Variants in SLF2 observed in about 807,000 individuals in gnomAD.
The protein encoded by SLF2 is SMC5-SMC6 complex localization factor protein 2.
In SLF2, 68 loss-of-function variants were observed where a neutral mutation model predicts 124.3. The ratio of observed to expected loss-of-function variants is 0.55; its 90% CI spans 0.45 to 0.67. The LOEUF (loss-of-function observed/expected upper bound fraction) is 0.67. SLF2 is among the 30% of genes least tolerant of loss of function. SLF2 has a pLI of 0.00. For missense variants in SLF2, 1,246 were observed against 1,373.7 expected (o/e 0.91, Z 1.47); for synonymous variants, 480 against 478.8 (o/e 1.00, Z -0.03).
At position 100,913,107 on chromosome 10, in the gene SLF2, C is replaced by G. The variant is rs774482934; in HGVS notation, c.-4C>G. 16 of 1,611,650 alleles carry G rather than the reference C, an allele frequency of 9.9e-6. No homozygotes were observed. The African/African-American group carries it at 2.1e-4, about 22-fold the overall frequency. ...CTCATGCCGCCGTCGCCAGCGGCGC[C>G]GACATGACAAGGCGCTGCATGCCCG... On this transcript the variant is annotated 5_prime_UTR_variant, in exon 1 of 20. Coordinates refer to ENST00000238961, the MANE Select transcript of SLF2 (RefSeq NM_018121.4).
At chr10:100,937,505 C>CA in intron 10 of SLF2, 28 bp downstream of exon 10, 1 of 1,324,300 alleles carries the variant, frequency 7.6e-7, no homozygotes, top group Non-Finnish European at 1.1e-6. Context: ...TTAAGATTTA[C>CA]CGTGTGTATT....
chr10:100,914,728 A>AT (rs765501714), intron 1 of SLF2, among the ~76,000 whole-genome samples: 5 of 152,186 alleles, frequency 3.3e-5, no homozygotes, highest in Non-Finnish European at 7.4e-5. Context: ...CGTCACTCAT[A>AT]TTCATCTCAT....
chr10:100,931,565 A>G (rs143532281), intron 9 of SLF2, among the ~76,000 whole-genome samples: 174 of 152,300 alleles, frequency 1.1e-3, no homozygotes, highest in African/African-American at 3.7e-3. Context: ...TTAAGATATG[A>G]TAATTCCAGA....
At chr10:100,937,327 A>G (rs1589955633) in intron 9 of SLF2, 75 bp from the exon 10 acceptor site, 1 of 1,196,382 alleles carries the variant, frequency 8.4e-7, no homozygotes, top group Non-Finnish European at 1.2e-6. Flanking sequence ...AAACAACTTT[A>G]TATGTGCCTA....
intron 13 of SLF2, among the ~76,000 whole-genome samples, chr10:100,946,493 ATTTCTGTGTATT>A (rs1207297195): frequency 6.6e-6 from 1 of 151,814 alleles, no homozygotes; most frequent in African/African-American, 2.4e-5. Context: ...CGCCCAGCTA[ATTTCTGTGTATT>A]TAGTAGAGAC....
intron 9 of SLF2, among the ~76,000 whole-genome samples, chr10:100,932,253 T>A (rs1849751413): frequency 8.4e-6 from 1 of 118,944 alleles, no homozygotes; most frequent in Non-Finnish European, 2.1e-5. Flanking sequence ...AGACCACATC[T>A]GTTTAAAAAA....
At chr10:100,931,119 T>C (rs758313801) in intron 9 of SLF2, 41 bp downstream of exon 9, 5 of 1,432,272 alleles carry the variant, frequency 3.5e-6, no homozygotes, top group Non-Finnish European at 4.8e-6. Context: ...CCTCCTACTA[T>C]ATTTCTAAGT....
At chr10:100,925,383 A>G (rs1488816599) in intron 5 of SLF2, among the ~76,000 whole-genome samples, 4 of 152,256 alleles carry the variant, frequency 2.6e-5, no homozygotes, top group African/African-American at 7.2e-5. Context: ...GAGTCTCTAT[A>G]GAAGTTCCAT....
chr10:100,942,146 G>A (rs1360863270), intron 11 of SLF2, among the ~76,000 whole-genome samples: 1 of 152,098 alleles, frequency 6.6e-6, no homozygotes, highest in Non-Finnish European at 1.5e-5. Context: ...ATGTCCTGCA[G>A]TTTAATGCAA....
rs1849344243 is a variant in SLF2, at chr10:100,913,018, C to G, written c.-93C>G. ...GAAGGGGGTGCCGCCCACCTCTGCT[C>G]CGACAGCCTCCCGGAGTCCCAGCAG... is the stretch of plus-strand genomic sequence containing the variant. On this transcript the variant is annotated 5_prime_UTR_variant, in exon 1 of 20. Coordinates refer to ENST00000238961, the MANE Select transcript of SLF2 (RefSeq NM_018121.4). The G allele has an allele frequency of 2.8e-6, 4 of 1,435,492 alleles. No homozygotes were observed. The highest frequency in any genetic ancestry group is 2.3e-5 in the East Asian group (1 of 43,410). 88.9% of individuals were successfully genotyped at this position (1,435,492 alleles called of 1,614,324 possible). A position where few individuals can be genotyped will look rare whatever the true frequency, so the allele number is the denominator to read the frequency against.
intron 4 of SLF2, among the ~76,000 whole-genome samples, chr10:100,921,023 G>T (rs878889045): frequency 6.6e-6 from 1 of 152,136 alleles, no homozygotes; most frequent in Non-Finnish European, 1.5e-5. Flanking sequence ...TTAATCAATT[G>T]TCATGGTAAT....
intron 9 of SLF2, among the ~76,000 whole-genome samples, chr10:100,933,741 G>A (rs185484487): frequency 2.0e-5 from 3 of 152,196 alleles, no homozygotes; most frequent in Admixed American, 6.5e-5. Flanking sequence ...GTGCAGTGGC[G>A]TGATCTCTGC....
At chr10:100,945,043 T>TA (rs1016076902) in intron 12 of SLF2, among the ~76,000 whole-genome samples, 35 of 138,744 alleles carry the variant, frequency 2.5e-4, no homozygotes, top group Admixed American at 4.3e-4. Context: ...AAAAAGAAGA[T>TA]AAAAAAAAAA....
At chr10:100,936,053 A>T (rs1589954772) in intron 9 of SLF2, among the ~76,000 whole-genome samples, 1 of 151,086 alleles carries the variant, frequency 6.6e-6, no homozygotes, top group African/African-American at 2.4e-5. Context: ...TAGAGGCGGG[A>T]TCTTGCCATG....
In SLF2 at chr10:100,962,120, A is replaced by T; in HGVS notation, c.*208A>T. The T allele has an allele frequency of 2.2e-6, 1 of 447,996 alleles. No individual in the cohort carries two copies. The highest frequency in any genetic ancestry group is 5.0e-5 in the South Asian group (1 of 20,190). 27.8% of individuals were successfully genotyped at this position (447,996 alleles called of 1,614,324 possible). On this transcript the variant is annotated 3_prime_UTR_variant, in exon 20 of 20. Transcript: ENST00000238961. ...TATGATCTGCTTAATTGTTAAGGCA[A>T]CTGACCTTTCAAAAGTGCAGAGTCT... is the stretch of plus-strand genomic sequence containing the variant.
chr10:100,938,458 T>G (rs1257216508), intron 10 of SLF2, 137 bp from the exon 11 acceptor site: 1 of 757,930 alleles, frequency 1.3e-6, no homozygotes, highest in African/African-American at 1.8e-5. Context: ...TATAACTGTA[T>G]TGTTAGCATA....
intron 13 of SLF2, among the ~76,000 whole-genome samples, chr10:100,946,027 A>G (rs1403490603): frequency 6.6e-6 from 1 of 152,216 alleles, no homozygotes; most frequent in Admixed American, 6.5e-5. Context: ...TACAACCAGA[A>G]TTTGAGTTGA....
intron 4 of SLF2, 141 bp downstream of exon 4, chr10:100,918,582 G>T (rs148401488): frequency 6.1e-4 from 353 of 579,622 alleles, no homozygotes; most frequent in African/African-American, 6.0e-3. Flanking sequence ...AGTTTGGTAA[G>T]ATCATATTAA....
chr10:100,924,192 T>C lies in SLF2; in HGVS notation c.1191T>C (p.Ser397=). 6.2e-7 allele frequency: 1 copy of C among 1,613,976 alleles called. No homozygotes were observed. The highest frequency in any genetic ancestry group is 8.5e-7 in the Non-Finnish European group (1 of 1,180,016). Residue 397 remains serine, a synonymous_variant, in exon 5 of 20, where the codon AGT becomes AGC. Transcript: ENST00000238961. ...TAGAAGATATATCCAAGGAACCGAG[T>C]GATGAAACTGATGGCTCTTCTGCAG... ...LRLEDISKEP[S]DETDGSSAGL... is the part of the protein sequence containing the mutation.
Sources: allele counts gnomAD v4.1 joint callset (sites outside exome capture counted in the v4.1 genomes callset), GRCh38; gene constraint gnomAD v4.1.1; transcripts MANE v1.5; gene names NCBI Gene and HGNC (gene_info 2026-07-23, HGNC 2026-07-21).